Variants in PFKFB3 observed in about 807,000 individuals in gnomAD.
PFKFB3 encodes the protein 6-phosphofructo-2-kinase/fructose-2,6-biphosphatase 3, also known as 6-phosphofructo-2-kinase/fructose-2,6-bisphosphatase 3.
In PFKFB3, 33 loss-of-function variants were observed where a neutral mutation model predicts 68.0. The ratio of observed to expected loss-of-function variants is 0.49; its 90% CI spans 0.37 to 0.65. The LOEUF (loss-of-function observed/expected upper bound fraction) is 0.65. Ranked by LOEUF, PFKFB3 falls within the 30% of genes least tolerant of loss-of-function variation. The pLI is 0.00. For missense variants in PFKFB3, 586 were observed against 712.2 expected (o/e 0.82, Z 2.02); for synonymous variants, 315 against 288.2 (o/e 1.09, Z -0.94).
chr10:6,248,488 G>A (rs1024770007), intron 14 of PFKFB3, among the ~76,000 whole-genome samples: 1 of 151,988 alleles, frequency 6.6e-6, no homozygotes, highest in African/African-American at 2.4e-5. Context: ...AATTAGCTGG[G>A]TGTGGTGGCA....
intron 1 of PFKFB3, among the ~76,000 whole-genome samples, chr10:6,150,318 A>G (rs1166263685): frequency 6.6e-6 from 1 of 152,170 alleles, no homozygotes; most frequent in South Asian, 2.1e-4. Context: ...GTAGTTGCAG[A>G]GCCACATTAA....
At chr10:6,231,871 C>T (rs548841222) in intron 14 of PFKFB3, among the ~76,000 whole-genome samples, 4 of 151,966 alleles carry the variant, frequency 2.6e-5, no homozygotes, top group Middle Eastern at 3.4e-3. Context: ...TGGCGGGCAC[C>T]CATCACCTCT....
chr10:6,313,029 G>A, the PFKFB3 span, among the ~76,000 whole-genome samples: 2 of 152,292 alleles, frequency 1.3e-5, no homozygotes, highest in South Asian at 2.1e-4. This position sits in a 1 kb window ranked among gnomAD's most constrained non-coding sequence, Gnocchi z 4.2. Flanking sequence ...ATGAACTGGG[G>A]GGTAGAATAC....
At chr10:6,305,005 ATTTTTTT>A in the PFKFB3 span, among the ~76,000 whole-genome samples, 3 of 14,514 alleles carry the variant, frequency 2.1e-4, no homozygotes, top group Admixed American at 2.7e-3. Context: ...AATATTAGGA[ATTTTTTT>A]TTTTTTTTTT....
chr10:6,232,956 G>T lies in PFKFB3; in HGVS notation c.*14G>T, dbSNP rs1845836345. ...AGGAAACACTGAGGCAGACGTGTCGGTTCCATTCCATTTCCATTTCTGCAG... is the reference window on the plus strand; with the variant it reads ...AGGAAACACTGAGGCAGACGTGTCGTTTCCATTCCATTTCCATTTCTGCAG... On this transcript the variant is annotated 3_prime_UTR_variant, in exon 15 of 15. Transcript: ENST00000379775. 6.2e-7 allele frequency: 1 copy of T among 1,605,126 alleles called. No individual in the cohort carries two copies. The highest frequency in any genetic ancestry group is 8.5e-7 in the Non-Finnish European group (1 of 1,172,138).
chr10:6,187,901 T>C (rs1487801522), intron 1 of PFKFB3, among the ~76,000 whole-genome samples: 1 of 152,154 alleles, frequency 6.6e-6, no homozygotes, highest in Non-Finnish European at 1.5e-5. Flanking sequence ...TCACCTAGAT[T>C]CTGCAAGTGT....
intron 6 of PFKFB3, among the ~76,000 whole-genome samples, 178 bp downstream of exon 6, chr10:6,217,369 G>T (rs1844654492): frequency 6.6e-6 from 1 of 152,202 alleles, no homozygotes; most frequent in African/African-American, 2.4e-5. Context: ...TAACCCAGAG[G>T]CCTGTCCTGT....
intron 1 of PFKFB3, among the ~76,000 whole-genome samples, chr10:6,210,346 G>GTTTTTTTTGTT (rs1844091058): frequency 3.0e-5 from 1 of 32,790 alleles, no homozygotes; most frequent in African/African-American, 6.2e-5. Context: ...GTTTTTTTTT[G>GTTTTTTTTGTT]TTTTTTTTTG....
Position 6,202,947 on chromosome 10 carries a change from G to A in PFKFB3, c.-314G>A. ...GGGGCATCCCAGCCAAGCCGGAGAG[G>A]AGGCGAGCAGCAGGGCCTGGTGGCG... is the stretch of plus-strand genomic sequence containing the variant. On this transcript the variant is annotated 5_prime_UTR_variant, in exon 1 of 15. Coordinates refer to ENST00000379775, the MANE Select transcript of PFKFB3 (RefSeq NM_004566.4). 2 of 1,251,078 alleles carry A rather than the reference G, an allele frequency of 1.6e-6. No individual in the cohort carries two copies. Among genetic ancestry groups the A allele is most frequent in the South Asian group, 2.0e-5 (1 of 49,780 alleles). 77.5% of individuals were successfully genotyped at this position (1,251,078 alleles called of 1,614,324 possible).
At chr10:6,265,620 C>T in the PFKFB3 span, among the ~76,000 whole-genome samples, 3 of 152,176 alleles carry the variant, frequency 2.0e-5, no homozygotes, top group African/African-American at 4.8e-5. Context: ...TTTTGACCAC[C>T]TGCCCAAGGT....
the PFKFB3 span, among the ~76,000 whole-genome samples, chr10:6,281,583 C>T: frequency 7.3e-3 from 1,114 of 152,076 alleles, 12 homozygotes; most frequent in African/African-American, 0.025. Context: ...TGATACATTC[C>T]ACTGTTTTTC....
rs1845489433 is a variant in PFKFB3, at chr10:6,228,248, T to G, written c.1515+1883T>G. 6.2e-7 allele frequency: 1 copy of G among 1,611,976 alleles called. No homozygotes were observed. The highest frequency in any genetic ancestry group is 8.5e-7 in the Non-Finnish European group (1 of 1,179,326). The stretch of plus-strand genomic sequence containing the variant: ...GTATCTCTCCGATCATCGCTGCTGC[T>G]TGCACTGCTTTCTTCCTGCTTGCTC... On this transcript the variant is annotated intron_variant, in intron 14 of 14. Coordinates refer to ENST00000379775, the MANE Select transcript of PFKFB3 (RefSeq NM_004566.4). This position sits in a 1 kb window ranked among gnomAD's most constrained non-coding sequence, Gnocchi z 4.5.
the PFKFB3 span, chr10:6,294,080 C>G: frequency 2.0e-6 from 1 of 501,346 alleles, no homozygotes; most frequent in South Asian, 1.5e-5. Context: ...TTGCTACCAA[C>G]TGGCCCTGAA....
downstream of PFKFB3, among the ~76,000 whole-genome samples, chr10:6,256,907 G>C (rs1846500943): frequency 6.6e-6 from 1 of 152,112 alleles, no homozygotes; most frequent in Non-Finnish European, 1.5e-5. Context: ...TATTTTCAGA[G>C]GTTTCCTAGA....
At chr10:6,153,070 T>A (rs975230301) in intron 1 of PFKFB3, among the ~76,000 whole-genome samples, 5 of 151,714 alleles carry the variant, frequency 3.3e-5, no homozygotes, top group Admixed American at 2.0e-4. Flanking sequence ...TAATCCCAGC[T>A]ACTCGGGAGG....
At chr10:6,312,386 G>A in the PFKFB3 span, among the ~76,000 whole-genome samples, 1 of 151,868 alleles carries the variant, frequency 6.6e-6, no homozygotes, top group African/African-American at 2.4e-5. Flanking sequence ...TCTCCATCTC[G>A]GCTCCAATCT....
intron 1 of PFKFB3, among the ~76,000 whole-genome samples, chr10:6,173,376 C>T (rs1280294225): frequency 1.3e-5 from 2 of 152,198 alleles, no homozygotes; most frequent in African/African-American, 4.8e-5. Context: ...AGGTTGTCCA[C>T]TTGTGTGCAG....
the PFKFB3 span, among the ~76,000 whole-genome samples, chr10:6,323,011 C>T: frequency 2.2e-4 from 33 of 152,354 alleles, no homozygotes; most frequent in African/African-American, 7.9e-4. Context: ...ATTGTCAGTA[C>T]TTAACAGGTG....
the PFKFB3 span, among the ~76,000 whole-genome samples, chr10:6,308,906 A>G: frequency 2.0e-5 from 3 of 152,268 alleles, no homozygotes; most frequent in African/African-American, 7.2e-5. Flanking sequence ...AAAAGAAACT[A>G]GCAATTTATG....
Sources: gnomAD v4.1 joint callset for allele counts (sites outside exome capture counted in the v4.1 genomes callset) on GRCh38, gnomAD v4.1.1 for gene constraint, Gnocchi (gnomAD v3.1) non-coding constraint, MANE v1.5 for transcripts, NCBI Gene and HGNC (gene_info 2026-07-23, HGNC 2026-07-21) for gene names.